Variants in GRM3 observed in about 807,000 individuals in gnomAD.
GRM3 encodes the protein metabotropic glutamate receptor 3.
A neutral mutation model predicts 70.5 loss-of-function variants in GRM3; 26 were observed. That is an observed-to-expected ratio of 0.37 (90% CI 0.27 to 0.51). The LOEUF is 0.51. GRM3 is among the 20% of genes least tolerant of loss of function. The pLI is 0.93. For missense variants in GRM3, 859 were observed against 1,123.8 expected (o/e 0.76, Z 3.37); for synonymous variants, 443 against 434.9 (o/e 1.02, Z -0.23).
chr7:86,666,831 C>A (rs1474977214), intron 1 of GRM3, among the ~76,000 whole-genome samples: 1 of 152,054 alleles, frequency 6.6e-6, no homozygotes, highest in African/African-American at 2.4e-5. Context: ...GTTCTCATGA[C>A]TTCTGTTTAT....
intron 2 of GRM3, among the ~76,000 whole-genome samples, chr7:86,781,791 G>A (rs935973747): frequency 6.6e-6 from 1 of 151,978 alleles, no homozygotes; most frequent in Non-Finnish European, 1.5e-5. Context: ...TATAAATATA[G>A]AAATATAAGA....
intron 2 of GRM3, among the ~76,000 whole-genome samples, chr7:86,772,145 T>C (rs1796760247): frequency 2.0e-5 from 3 of 152,118 alleles, no homozygotes; most frequent in African/African-American, 7.2e-5. Flanking sequence ...TTATATTATA[T>C]TACTGATACC....
intron 1 of GRM3, among the ~76,000 whole-genome samples, chr7:86,750,102 G>A (rs1374244606): frequency 6.6e-6 from 1 of 152,030 alleles, no homozygotes; most frequent in Admixed American, 6.6e-5. Flanking sequence ...AAAGAAAGCT[G>A]AGGTTTGTCG....
rs149383099 is a variant in GRM3 at position 86,733,544 on chromosome 7, T to C, written c.-140-31462T>C. 7.2e-5 allele frequency among the ~76,000 whole-genome samples: 11 copies of C among 152,210 alleles called. No homozygotes were observed. In the East Asian group the frequency reaches 2.1e-3, roughly 29 times the overall value. ...TTAAGAGTGGACAAATGTTGGAGTA[T>C]AAGAGGACTTCATGGAGAAGATAAG... On this transcript the variant is annotated intron_variant, in intron 1 of 5. Coordinates refer to ENST00000361669, the MANE Select transcript of GRM3 (RefSeq NM_000840.3).
chr7:86,715,241 C>T (rs528276188), intron 1 of GRM3, among the ~76,000 whole-genome samples: 162 of 152,092 alleles, frequency 1.1e-3, no homozygotes, highest in Middle Eastern at 0.01. Flanking sequence ...ATTACCATTT[C>T]CTGGTTACCT....
chr7:86,730,763 AT>A (rs1795714991), intron 1 of GRM3, among the ~76,000 whole-genome samples: 2 of 152,146 alleles, frequency 1.3e-5, no homozygotes. Flanking sequence ...AAACCTTAGC[AT>A]TATGTTTTCC....
chr7:86,675,081 T>C (rs1481055268), intron 1 of GRM3, among the ~76,000 whole-genome samples: 2 of 152,154 alleles, frequency 1.3e-5, no homozygotes. Context: ...CAACATATTA[T>C]TCATTTTGTA....
chr7:86,859,970 A>G (rs989464564), intron 5 of GRM3, among the ~76,000 whole-genome samples: 1 of 152,184 alleles, frequency 6.6e-6, no homozygotes, highest in Non-Finnish European at 1.5e-5. Context: ...TTTGTGATCA[A>G]TAGTGGAATT....
At chr7:86,663,149 A>C (rs1793936723) in intron 1 of GRM3, among the ~76,000 whole-genome samples, 1 of 151,980 alleles carries the variant, frequency 6.6e-6, no homozygotes, top group African/African-American at 2.4e-5. Context: ...ACATGAGAAT[A>C]GAGAATCTCA....
At chr7:86,715,088 A>G (rs551068258) in intron 1 of GRM3, among the ~76,000 whole-genome samples, 2 of 152,164 alleles carry the variant, frequency 1.3e-5, no homozygotes, top group Admixed American at 1.3e-4. Context: ...ATGGCTAATT[A>G]GAACAGAAGG....
At chr7:86,709,569 G>A (rs188480242) in intron 1 of GRM3, among the ~76,000 whole-genome samples, 1 of 152,026 alleles carries the variant, frequency 6.6e-6, no homozygotes, top group African/African-American at 2.4e-5. Flanking sequence ...TACCTTCGGG[G>A]GGGTGGGGGT....
chr7:86,726,811 T>C (rs1182747079), intron 1 of GRM3, among the ~76,000 whole-genome samples: 1 of 152,212 alleles, frequency 6.6e-6, no homozygotes, highest in East Asian at 1.9e-4. Context: ...TCACTTCCTC[T>C]TGTAACACTA....
chr7:86,718,739 G>T (rs563852595), intron 1 of GRM3, among the ~76,000 whole-genome samples: 13 of 151,854 alleles, frequency 8.6e-5, no homozygotes, highest in Admixed American at 8.6e-4. Context: ...CTTAATTTGT[G>T]GCCAAAAGCA....
rs74632595 is a variant in GRM3, at chr7:86,812,931, A to G, written c.1324+25815A>G. On this transcript the variant is annotated intron_variant, in intron 3 of 5. Transcript: ENST00000361669. ...AACAACTAAACTTCTCAGTAACACCACAAGTTTCTTATCATGAATGAGTTG... is the reference window on the plus strand; with the variant it reads ...AACAACTAAACTTCTCAGTAACACCGCAAGTTTCTTATCATGAATGAGTTG... Among the ~76,000 whole-genome samples, 1,098 of 151,824 alleles carry G rather than the reference A, an allele frequency of 7.2e-3. 11 individuals carry two copies. Among genetic ancestry groups the G allele is most frequent in the African/African-American group, 0.026 (1,062 of 41,492 alleles).
At chr7:86,788,112 T>C (rs1265854604) in intron 3 of GRM3, among the ~76,000 whole-genome samples, 1 of 152,224 alleles carries the variant, frequency 6.6e-6, no homozygotes, top group Non-Finnish European at 1.5e-5. Flanking sequence ...ATACCTCTCA[T>C]GCCACTCAGG....
rs145331934 is a variant in GRM3, at chr7:86,700,244, A to G, written c.-141+55372A>G. Among the ~76,000 whole-genome samples, 272 of 152,164 alleles carry G rather than the reference A, an allele frequency of 1.8e-3. 2 individuals carry two copies. Among genetic ancestry groups the G allele is most frequent in the African/African-American group, 6.1e-3 (254 of 41,562 alleles). ...CCAACTACTTATTTTAGATGGATCTAAACAGGAAGCCAATTCATAATCAAA... is the reference window on the plus strand; with the variant it reads ...CCAACTACTTATTTTAGATGGATCTGAACAGGAAGCCAATTCATAATCAAA... On this transcript the variant is annotated intron_variant, in intron 1 of 5. Coordinates refer to ENST00000361669, the MANE Select transcript of GRM3 (RefSeq NM_000840.3).
intron 2 of GRM3, among the ~76,000 whole-genome samples, chr7:86,766,364 C>A (rs1796600718): frequency 6.6e-6 from 1 of 150,588 alleles, no homozygotes. Context: ...GCAGAGAAGC[C>A]AGAGGATTAC....
At position 86,786,416 on chromosome 7, in the gene GRM3, C is replaced by T. The variant is rs1797246386; in HGVS notation, c.624C>T (p.Phe208=). Residue 208 remains phenylalanine (F), a synonymous_variant, in exon 3 of 6, where the codon TTC becomes TTT. Coordinates refer to ENST00000361669, the MANE Select transcript of GRM3 (RefSeq NM_000840.3). This position sits in a 1 kb window ranked among gnomAD's most constrained non-coding sequence, Gnocchi z 6.0. The part of the protein sequence containing the change: ...AKAMAEILRF[F]NWTYVSTVAS... ...CCATGGCTGAGATCTTGCGCTTCTT[C>T]AACTGGACCTACGTGTCCACAGTAG... 6.2e-7 allele frequency: 1 copy of T among 1,614,218 alleles called. No individual in the cohort carries two copies. Among genetic ancestry groups the T allele is most frequent in the East Asian group, 2.2e-5 (1 of 44,876 alleles).
At chr7:86,648,729 A>G (rs528726180) in intron 1 of GRM3, among the ~76,000 whole-genome samples, 353 of 144,864 alleles carry the variant, frequency 2.4e-3, no homozygotes, top group Middle Eastern at 6.9e-3. Context: ...GAAAAGCCTG[A>G]AAAAAAAAAC....
Sources: gnomAD v4.1 joint callset for allele counts (sites outside exome capture counted in the v4.1 genomes callset) on GRCh38, gnomAD v4.1.1 for gene constraint, Gnocchi (gnomAD v3.1) non-coding constraint, MANE v1.5 for transcripts, NCBI Gene and HGNC (gene_info 2026-07-23, HGNC 2026-07-21) for gene names.